Variants in ATP10B observed in about 807,000 individuals in gnomAD.
ATP10B encodes ATPase phospholipid transporting 10B (putative).
Under a neutral mutation model 141.2 loss-of-function variants are expected in ATP10B, and 122 were observed. The observed-to-expected ratio is 0.86, with a 90% CI of 0.75 to 1.00. The LOEUF is 1.00. Ranked by LOEUF, ATP10B falls within the 50% of genes least tolerant of loss-of-function variation. ATP10B has a pLI of 0.00. For synonymous variants in ATP10B, 685 were observed against 692.0 expected (o/e 0.99, Z 0.16); for missense variants, 1,876 against 1,825.3 (o/e 1.03, Z -0.51).
intron 2 of ATP10B, among the ~76,000 whole-genome samples, chr5:160,770,291 T>G (rs996500607): frequency 9.9e-5 from 15 of 152,032 alleles, no homozygotes; most frequent in African/African-American, 3.6e-4. Context: ...AATTTTGTCT[T>G]TACTCTCTTC....
chr5:160,904,762 T>C, the ATP10B span, among the ~76,000 whole-genome samples: 1 of 152,220 alleles, frequency 6.6e-6, no homozygotes, highest in Non-Finnish European at 1.5e-5. Flanking sequence ...GTGGCACTTC[T>C]GTTGCCAACA....
At chr5:160,820,135 G>A (rs1417884591) in intron 1 of ATP10B, among the ~76,000 whole-genome samples, 2 of 135,642 alleles carry the variant, frequency 1.5e-5, no homozygotes, top group African/African-American at 5.0e-5. Flanking sequence ...AATCTTTAGT[G>A]AGATTAATGA....
intron 1 of ATP10B, among the ~76,000 whole-genome samples, chr5:160,802,337 C>T (rs1242121472): frequency 2.0e-5 from 3 of 152,126 alleles, no homozygotes; most frequent in Non-Finnish European, 2.9e-5. Context: ...ATCAAGAACA[C>T]GCCTAACTTA....
chr5:160,902,085 C>A, the ATP10B span, among the ~76,000 whole-genome samples: 1 of 152,092 alleles, frequency 6.6e-6, no homozygotes, highest in Admixed American at 6.6e-5. Context: ...GGTATGAGGT[C>A]ATATACAAAA....
intron 1 of ATP10B, among the ~76,000 whole-genome samples, chr5:160,802,802 A>T (rs1772471891): frequency 6.6e-6 from 1 of 152,232 alleles, no homozygotes; most frequent in South Asian, 2.1e-4. Flanking sequence ...GATTCAAAGT[A>T]TCAGAGTGTG....
rs950038821 is a variant in ATP10B at position 160,828,055 on chromosome 5, T to C, written c.-576+23886A>G. 3.3e-5 allele frequency among the ~76,000 whole-genome samples: 5 copies of C among 152,212 alleles called. No homozygotes were observed. The East Asian group carries it at 9.7e-4, about 29-fold the overall frequency. The stretch of plus-strand genomic sequence containing the variant: ...CCTTCCTTACACCTTATACAAAAAT[T>C]AATTCAAGATGGATTAAAGACTTAC... On this transcript the variant is annotated intron_variant, in intron 1 of 25. Coordinates refer to ENST00000327245, the MANE Select transcript of ATP10B (RefSeq NM_025153.3).
At position 160,823,912 on chromosome 5, in the gene ATP10B, T is replaced by G. The variant is rs76382907; in HGVS notation, c.-576+28029A>C. ...CAATGTACCCACAAAAATTAAAAATTAAAATGAAAAGCCCCAAAACCCCAA... is the reference window on the plus strand; with the variant it reads ...CAATGTACCCACAAAAATTAAAAATGAAAATGAAAAGCCCCAAAACCCCAA... On this transcript the variant is annotated intron_variant, in intron 1 of 25. Coordinates refer to ENST00000327245, the MANE Select transcript of ATP10B (RefSeq NM_025153.3). Among the ~76,000 whole-genome samples, 21 of 152,314 alleles carry G rather than the reference T, an allele frequency of 1.4e-4. No homozygotes were observed. In the East Asian group the frequency reaches 2.3e-3, roughly 17 times the overall value.
chr5:160,797,948 GA>G (rs34913318), intron 1 of ATP10B, among the ~76,000 whole-genome samples: 497 of 127,568 alleles, frequency 3.9e-3, no homozygotes, highest in East Asian at 0.01. Flanking sequence ...AAGAAAAAAA[GA>G]AAAAAAAAAA....
At chr5:160,647,037 G>C in intron 8 of ATP10B, among the ~76,000 whole-genome samples, 1 of 152,190 alleles carries the variant, frequency 6.6e-6, no homozygotes, top group East Asian at 1.9e-4. Context: ...AATGTCTCCT[G>C]GTTGGAGGGG....
At chr5:160,680,015 C>G (rs1256298765) in intron 6 of ATP10B, among the ~76,000 whole-genome samples, 1 of 151,988 alleles carries the variant, frequency 6.6e-6, no homozygotes, top group Non-Finnish European at 1.5e-5. Flanking sequence ...ACCTTTAGAC[C>G]ACAAACACGG....
chr5:160,730,265 G>A (rs1229698961), intron 2 of ATP10B, among the ~76,000 whole-genome samples: 1 of 152,048 alleles, frequency 6.6e-6, no homozygotes, highest in African/African-American at 2.4e-5. Flanking sequence ...TCAGGACCAG[G>A]GCTCTGCCTT....
intron 2 of ATP10B, among the ~76,000 whole-genome samples, chr5:160,754,540 G>C (rs867608391): frequency 6.6e-6 from 1 of 152,328 alleles, no homozygotes. Flanking sequence ...CTGGGACTCA[G>C]GTGACCTCCA....
At position 160,837,831 on chromosome 5, in the gene ATP10B, C is replaced by T. The variant is rs79863699; in HGVS notation, c.-576+14110G>A. Among the ~76,000 whole-genome samples the T allele has an allele frequency of 6.2e-3, 942 of 152,146 alleles. 13 individuals are homozygous for T. The highest frequency in any genetic ancestry group is 0.021 in the African/African-American group (883 of 41,524). On this transcript the variant is annotated intron_variant, in intron 1 of 25. Transcript: ENST00000327245. ...CCACCCCATTCTTGCCCTGGAGATA[C>T]GCCTGTACTTGTTATTAGCTCACCA...
At position 160,781,977 on chromosome 5, in the gene ATP10B, T is replaced by A. The variant is rs753280137; in HGVS notation, c.-331+3582A>T. Among the ~76,000 whole-genome samples the A allele has an allele frequency of 3.3e-5, 5 of 152,240 alleles. No individual in the cohort carries two copies. In the East Asian group the frequency reaches 7.7e-4, roughly 24 times the overall value. ...TGCCTTAAAACAGTAGAGTAATGCC[T>A]AAAATTGTATGGTTCTACATTTCAA... On this transcript the variant is annotated intron_variant, in intron 2 of 25. Transcript: ENST00000327245.
chr5:160,811,207 C>CA (rs2127946719), intron 1 of ATP10B, among the ~76,000 whole-genome samples: 1 of 152,282 alleles, frequency 6.6e-6, no homozygotes, highest in South Asian at 2.1e-4. Context: ...CCTTGGGTGA[C>CA]ACTCTGAAAC....
intron 2 of ATP10B, among the ~76,000 whole-genome samples, chr5:160,759,548 G>C (rs1355119261): frequency 6.6e-6 from 1 of 152,124 alleles, no homozygotes; most frequent in East Asian, 1.9e-4. Context: ...CTGAACTCAG[G>C]AAGGCATGAG....
chr5:160,633,091 G>A (rs1759056453), intron 12 of ATP10B: 1 of 152,246 alleles, frequency 6.6e-6, no homozygotes, highest in South Asian at 2.1e-4. Context: ...AGGATGTAGA[G>A]AAACAGGAAT....
intron 3 of ATP10B, among the ~76,000 whole-genome samples, chr5:160,693,437 C>CAT (rs1764190917): frequency 7.0e-6 from 1 of 143,180 alleles, no homozygotes; most frequent in Non-Finnish European, 1.6e-5. Flanking sequence ...CACACACACA[C>CAT]ACACACACAC....
rs1561755209 is a variant in ATP10B, at chr5:160,687,977, G to A, written c.98C>T (p.Pro33Leu). The stretch of plus-strand genomic sequence containing the variant: ...GTTGTAGCTCTGTCTCCCTTTCTCT[G>A]GAGAGAGCAGCGGTGTGGTTTCCGA... ...CPSETTPLLSPEKGRQSYNLT... is the reference protein window; with the variant it reads ...CPSETTPLLSLEKGRQSYNLT... The change falls in exon 5 of 26, where the codon CCA becomes CTA. Residue 33 changes from proline (P) to leucine (L), a missense_variant. Physicochemically the swap from Pro to Leu is moderately conservative, Grantham distance 98 (BLOSUM62 -3). Transcript: ENST00000327245. The A allele has an allele frequency of 1.2e-6, 2 of 1,614,140 alleles. No individual in the cohort carries two copies. The highest frequency in any genetic ancestry group is 1.1e-5 in the South Asian group (1 of 91,080).
Sources: allele counts gnomAD v4.1 joint callset (sites outside exome capture counted in the v4.1 genomes callset), GRCh38; gene constraint gnomAD v4.1.1; transcripts MANE v1.5; gene names NCBI Gene and HGNC (gene_info 2026-07-23, HGNC 2026-07-21).